Variants in SLC45A4 observed in about 807,000 individuals in gnomAD.
The protein encoded by SLC45A4 is polyamine-transporter SLC45A4.
In SLC45A4, 32 loss-of-function variants were observed where a neutral mutation model predicts 63.7. The ratio of observed to expected loss-of-function variants is 0.50; its 90% CI spans 0.38 to 0.67. The LOEUF is 0.67. Among genes scored for constraint, SLC45A4 ranks in the 30% least tolerant of loss-of-function variants. SLC45A4 has a pLI of 0.00. For missense variants in SLC45A4, 1,027 were observed against 1,157.7 expected, an observed-to-expected ratio of 0.89 and a Z score of 1.64; for synonymous variants, 535 against 510.0, an observed-to-expected ratio of 1.05 and a Z score of -0.66.
chr8:141,269,645 G>T (rs559524863), intron 1 of SLC45A4, among the ~76,000 whole-genome samples: 45 of 151,572 alleles, frequency 3.0e-4, no homozygotes, highest in African/African-American at 1.0e-3. Flanking sequence ...GTGTGTGGGG[G>T]TGTCTGTCTG....
chr8:141,270,977 A>T (rs540586920), intron 1 of SLC45A4, among the ~76,000 whole-genome samples: 2 of 152,186 alleles, frequency 1.3e-5, no homozygotes, highest in Admixed American at 1.3e-4. Context: ...AGAAGGACCT[A>T]TAAATGAGCA....
At position 141,240,958 on chromosome 8, in the gene SLC45A4, G is replaced by A. The variant is rs957549831; in HGVS notation, c.241+13031C>T. On this transcript the variant is annotated intron_variant, in intron 2 of 8. Transcript: ENST00000517878. ...GGGGCAGCCGCCCGGATCCATGGGA[G>A]GGGGAGTATCTTCCTGGGTCTTGAC... 6.6e-5 allele frequency among the ~76,000 whole-genome samples: 10 copies of A among 152,338 alleles called. No individual in the cohort carries two copies. The South Asian group carries it at 1.7e-3, about 25-fold the overall frequency.
chr8:141,211,037 G>T lies in SLC45A4; in HGVS notation c.*535C>A. On this transcript the variant is annotated 3_prime_UTR_variant, in exon 9 of 9. Transcript: ENST00000517878. ...CTGTCCCGATTCCAGCGTCGAGCAG[G>T]TGAGCAGGCGAGGAAGGCATGGAGT... 6.1e-6 allele frequency: 1 copy of T among 165,218 alleles called. No homozygotes were observed. The highest frequency in any genetic ancestry group is 3.0e-3 in the Middle Eastern group (1 of 338). 10.2% of individuals were successfully genotyped at this position (165,218 alleles called of 1,614,324 possible).
At chr8:141,248,613 C>T (rs1311343742) in intron 2 of SLC45A4, among the ~76,000 whole-genome samples, 1 of 152,092 alleles carries the variant, frequency 6.6e-6, no homozygotes, top group East Asian at 1.9e-4. Context: ...TGCCTGTAAT[C>T]CTAGCACTTT....
rs371255094 is a variant in SLC45A4 at position 141,227,190 on chromosome 8, C to G, written c.242-5425G>C. ...TGAGACCAGGAAGGCTCTCCGTTCA[C>G]AGGAAATACTGTGTCACCGCTCGGC... On this transcript the variant is annotated intron_variant, in intron 2 of 8. Transcript: ENST00000517878. The surrounding 1 kb of genome is among the most constrained non-coding windows in gnomAD (Gnocchi z 4.4). Among the ~76,000 whole-genome samples, 3 of 152,320 alleles carry G rather than the reference C, an allele frequency of 2.0e-5. No homozygotes were observed. The highest frequency in any genetic ancestry group is 3.9e-4 in the East Asian group (2 of 5,178).
chr8:141,211,718 A>G (rs1278773117), intron 8 of SLC45A4, 21 bp from the exon 9 acceptor site: 8 of 1,517,240 alleles, frequency 5.3e-6, no homozygotes, highest in Non-Finnish European at 7.0e-6. Context: ...GAAATTTGAT[A>G]AAAATATTTT....
chr8:141,275,089 C>T (rs1467971), intron 1 of SLC45A4, among the ~76,000 whole-genome samples: 1,944 of 152,316 alleles, frequency 0.013, 33 homozygotes, highest in African/African-American at 0.041. Flanking sequence ...CACATCGGTT[C>T]GACTGAAAAC....
chr8:141,226,664 G>C (rs1589782043), intron 2 of SLC45A4: 1 of 152,412 alleles, frequency 6.6e-6, no homozygotes, highest in Non-Finnish European at 1.5e-5. Flanking sequence ...GCCGAGGATG[G>C]AGAGACAGGC....
chr8:141,299,155 CAGA>C (rs1220238244), intron 1 of SLC45A4, among the ~76,000 whole-genome samples: 1 of 152,192 alleles, frequency 6.6e-6, no homozygotes, highest in Non-Finnish European at 1.5e-5. Flanking sequence ...CACACGGAAG[CAGA>C]AGCTCCGAGC....
intron 2 of SLC45A4, among the ~76,000 whole-genome samples, chr8:141,242,886 T>C (rs946431749): frequency 2.0e-5 from 3 of 152,120 alleles, no homozygotes; most frequent in African/African-American, 7.2e-5. Context: ...GGCCACGCAA[T>C]GTGGTAGGAG....
intron 1 of SLC45A4, among the ~76,000 whole-genome samples, chr8:141,291,871 A>C (rs992110493): frequency 6.6e-6 from 1 of 152,244 alleles, no homozygotes; most frequent in African/African-American, 2.4e-5. Context: ...AAAAAACAGC[A>C]AAATACTGGT....
intron 1 of SLC45A4, among the ~76,000 whole-genome samples, chr8:141,281,803 C>T (rs1829957769): frequency 6.6e-6 from 1 of 152,128 alleles, no homozygotes; most frequent in Non-Finnish European, 1.5e-5. Flanking sequence ...GGATTTTTAC[C>T]CAGTTGTCAC....
At chr8:141,219,130 C>T (rs1402416568) in intron 4 of SLC45A4, 101 bp from the exon 5 acceptor site, 2 of 1,362,222 alleles carry the variant, frequency 1.5e-6, no homozygotes, top group Admixed American at 4.9e-5. Context: ...CGGGGCTGCC[C>T]TCATGATGGG....
intron 1 of SLC45A4, among the ~76,000 whole-genome samples, chr8:141,286,210 C>T (rs575134648): frequency 6.6e-6 from 1 of 152,320 alleles, no homozygotes; most frequent in South Asian, 2.1e-4. Context: ...CACAGCCCCT[C>T]CTCGGGAAGG....
intron 6 of SLC45A4, among the ~76,000 whole-genome samples, chr8:141,216,808 C>T (rs565336833): frequency 3.0e-4 from 45 of 152,320 alleles, no homozygotes; most frequent in African/African-American, 1.1e-3. Flanking sequence ...TCTGGAGGCA[C>T]CATTGACGTG....
intron 8 of SLC45A4, 56 bp downstream of exon 8, chr8:141,212,141 C>CGGGGGGG: frequency 9.0e-7 from 1 of 1,109,160 alleles, no homozygotes. Context: ...CCCCGCCGCC[C>CGGGGGGG]GCCCGCCCGC....
intron 1 of SLC45A4, among the ~76,000 whole-genome samples, chr8:141,306,765 T>G (rs551534813): frequency 8.8e-4 from 134 of 152,314 alleles, no homozygotes; most frequent in African/African-American, 3.2e-3. Flanking sequence ...CGCAGGGCGC[T>G]CTCAGTAATG....
intron 1 of SLC45A4, among the ~76,000 whole-genome samples, chr8:141,304,417 G>A (rs1218860825): frequency 6.6e-6 from 1 of 152,050 alleles, no homozygotes; most frequent in Non-Finnish European, 1.5e-5. Context: ...AAATTATCTG[G>A]GCATGGTGAT....
At chr8:141,292,259 G>C (rs966588173) in intron 1 of SLC45A4, among the ~76,000 whole-genome samples, 1 of 152,236 alleles carries the variant, frequency 6.6e-6, no homozygotes, top group Non-Finnish European at 1.5e-5. Flanking sequence ...GCGGCATTCT[G>C]GGCCCGCCAA....
Sources: allele counts gnomAD v4.1 joint callset (sites outside exome capture counted in the v4.1 genomes callset), GRCh38; gene constraint gnomAD v4.1.1; non-coding constraint Gnocchi (gnomAD v3.1); transcripts MANE v1.5; gene names NCBI Gene and HGNC (gene_info 2026-07-23, HGNC 2026-07-21).